Variants in MACROD2 observed in about 807,000 individuals in gnomAD.
MACROD2 encodes mono-ADP ribosylhydrolase 2.
Under a neutral mutation model 70.4 loss-of-function variants are expected in MACROD2, and 36 were observed. The ratio of observed to expected loss-of-function variants is 0.51; its 90% CI spans 0.39 to 0.68. The LOEUF (loss-of-function observed/expected upper bound fraction) is 0.68, where lower values mean the gene tolerates loss of function less well. Ranked by LOEUF, MACROD2 falls within the 30% of genes least tolerant of loss-of-function variation. The probability of loss-of-function intolerance (pLI) is 0.00; values close to 1 mark genes in which losing one functional copy is unlikely to be tolerated. For synonymous variants in MACROD2, 172 were observed against 178.8 expected (o/e 0.96, Z 0.30); for missense variants, 496 against 538.4 (o/e 0.92, Z 0.78).
chr20:14,009,802 A>C (rs1307512225), intron 2 of MACROD2, among the ~76,000 whole-genome samples: 1 of 152,240 alleles, frequency 6.6e-6, no homozygotes, highest in Non-Finnish European at 1.5e-5. Flanking sequence ...AAAAGGAACA[A>C]CATCATGTCC....
intron 10 of MACROD2, among the ~76,000 whole-genome samples, chr20:15,917,647 C>G (rs1340669148): frequency 2.0e-5 from 3 of 152,196 alleles, no homozygotes; most frequent in African/African-American, 4.8e-5. Context: ...CTCCACAAAC[C>G]AAACCAAAAC....
intron 8 of MACROD2, among the ~76,000 whole-genome samples, chr20:15,685,521 T>C (rs1257002900): frequency 6.6e-6 from 1 of 152,200 alleles, no homozygotes; most frequent in Non-Finnish European, 1.5e-5. Flanking sequence ...GAGGGCTTCA[T>C]GGAGAAGTCT....
At chr20:14,089,607 T>C (rs61594945) in intron 3 of MACROD2, among the ~76,000 whole-genome samples, 3,908 of 152,270 alleles carry the variant, frequency 0.026, 141 homozygotes, top group African/African-American at 0.088. Context: ...GTGTATTATA[T>C]TCTTCTCTCT....
chr20:14,739,926 A>T lies in MACROD2; in HGVS notation c.418+54967A>T, dbSNP rs139489102. ...GGGCATGGATAGGGAAGCAAATGAG[A>T]TGATAGTATGTAAAGTAGGAATCTA... is the stretch of plus-strand genomic sequence containing the variant. On this transcript the variant is annotated intron_variant, in intron 5 of 17. Coordinates refer to ENST00000684519, the MANE Select transcript of MACROD2 (RefSeq NM_001351661.2). 5.9e-5 allele frequency among the ~76,000 whole-genome samples: 9 copies of T among 152,168 alleles called. No homozygotes were observed. In the East Asian group the frequency reaches 1.5e-3, roughly 26 times the overall value.
chr20:15,656,615 A>G (rs2049734549), intron 8 of MACROD2, among the ~76,000 whole-genome samples: 2 of 152,180 alleles, frequency 1.3e-5, no homozygotes, highest in Non-Finnish European at 2.9e-5. Flanking sequence ...CAATAAGGAA[A>G]GGTTTAGTGT....
At chr20:14,271,676 T>G (rs2082197548) in intron 3 of MACROD2, among the ~76,000 whole-genome samples, 1 of 152,248 alleles carries the variant, frequency 6.6e-6, no homozygotes, top group East Asian at 1.9e-4. Flanking sequence ...GAAGAAGGCT[T>G]CAGATGATCA....
At chr20:16,004,226 C>T (rs554333900) in intron 15 of MACROD2, among the ~76,000 whole-genome samples, 19 of 152,240 alleles carry the variant, frequency 1.2e-4, no homozygotes, top group Admixed American at 1.1e-3. Flanking sequence ...CACTTATAAG[C>T]CTCTCTTCCC....
intron 2 of MACROD2, among the ~76,000 whole-genome samples, chr20:14,003,026 T>C (rs2052755860): frequency 6.6e-6 from 1 of 152,226 alleles, no homozygotes; most frequent in South Asian, 2.1e-4. Flanking sequence ...ATAGATTTAA[T>C]GGATGTTTAA....
intron 5 of MACROD2, among the ~76,000 whole-genome samples, chr20:14,963,867 C>T (rs1481610978): frequency 6.6e-6 from 1 of 152,144 alleles, no homozygotes; most frequent in Admixed American, 6.5e-5. Flanking sequence ...GGGCTTCTTA[C>T]AACTTACAAA....
chr20:15,077,019 AGAC>A (rs2075663628), intron 5 of MACROD2, among the ~76,000 whole-genome samples: 1 of 152,168 alleles, frequency 6.6e-6, no homozygotes, highest in East Asian at 1.9e-4. Context: ...GTTTTAGAAG[AGAC>A]AAAAGATTTC....
At chr20:15,800,673 C>A (rs994752565) in intron 8 of MACROD2, among the ~76,000 whole-genome samples, 1 of 152,128 alleles carries the variant, frequency 6.6e-6, no homozygotes, top group Non-Finnish European at 1.5e-5. Context: ...CGGCCACCAC[C>A]CCGTCTGGGA....
intron 3 of MACROD2, among the ~76,000 whole-genome samples, chr20:14,201,010 TTTTG>T (rs1227940956): frequency 1.3e-5 from 2 of 151,830 alleles, no homozygotes; most frequent in Non-Finnish European, 2.9e-5. Context: ...TGAAGGATGT[TTTTG>T]TTTATGTTTT....
chr20:14,347,862 G>A (rs1390836140), intron 3 of MACROD2, among the ~76,000 whole-genome samples: 1 of 152,160 alleles, frequency 6.6e-6, no homozygotes, highest in African/African-American at 2.4e-5. Flanking sequence ...TAGGAATATG[G>A]GGCAGCTTTC....
At chr20:15,906,451 CTG>C (rs1308746952) in intron 10 of MACROD2, among the ~76,000 whole-genome samples, 1 of 152,200 alleles carries the variant, frequency 6.6e-6, no homozygotes, top group African/African-American at 2.4e-5. Flanking sequence ...AAACATTTAA[CTG>C]AGCATTTTCT....
At chr20:15,460,811 G>T (rs1237684808) in intron 7 of MACROD2, among the ~76,000 whole-genome samples, 1 of 151,710 alleles carries the variant, frequency 6.6e-6, no homozygotes, top group African/African-American at 2.4e-5. Flanking sequence ...AGACATTTGT[G>T]TATGATTGGT....
intron 3 of MACROD2, among the ~76,000 whole-genome samples, chr20:14,301,014 C>T (rs2082470335): frequency 6.6e-6 from 1 of 152,182 alleles, no homozygotes; most frequent in Non-Finnish European, 1.5e-5. Context: ...AGAACTGTTA[C>T]AAGACTTTTT....
intron 5 of MACROD2, among the ~76,000 whole-genome samples, chr20:14,729,767 A>G (rs1460565119): frequency 6.6e-6 from 1 of 152,158 alleles, no homozygotes; most frequent in Non-Finnish European, 1.5e-5. Context: ...ATAAAGTTAA[A>G]ATGGTCACAA....
chr20:14,010,584 AAC>A (rs1357570894), intron 2 of MACROD2, among the ~76,000 whole-genome samples: 1 of 152,040 alleles, frequency 6.6e-6, no homozygotes, highest in Non-Finnish European at 1.5e-5. Context: ...ATAAATCAAA[AAC>A]AGTCTTGAAT....
chr20:14,962,769 C>T (rs6105345), intron 5 of MACROD2, among the ~76,000 whole-genome samples: 2 of 151,316 alleles, frequency 1.3e-5, no homozygotes, highest in South Asian at 4.2e-4. Flanking sequence ...CCTCTCCCTC[C>T]TCACCAATGC....
Sources: allele counts gnomAD v4.1 joint callset (sites outside exome capture counted in the v4.1 genomes callset), GRCh38; gene constraint gnomAD v4.1.1; transcripts MANE v1.5; gene names NCBI Gene and HGNC (gene_info 2026-07-23, HGNC 2026-07-21).